Variants in ROBO2 observed in about 807,000 individuals in gnomAD.
ROBO2 encodes the protein roundabout homolog 2.
ROBO2 carries 53 observed loss-of-function variants against 160.8 expected under a neutral mutation model. The observed-to-expected ratio is 0.33, with a 90% confidence interval of 0.26 to 0.41. The LOEUF is 0.41. Ranked by LOEUF, ROBO2 falls within the 10% of genes least tolerant of loss-of-function variation. The probability of loss-of-function intolerance (pLI) is 1.00; values close to 1 mark genes in which losing one functional copy is unlikely to be tolerated. For synonymous variants in ROBO2, 664 were observed against 611.7 expected (o/e 1.09, Z -1.26); for missense variants, 1,577 against 1,722.4 (o/e 0.92, Z 1.49).
intron 2 of ROBO2, among the ~76,000 whole-genome samples, chr3:77,331,076 G>A (rs1234667992): frequency 1.3e-5 from 2 of 152,166 alleles, no homozygotes; most frequent in Admixed American, 6.5e-5. Flanking sequence ...AAAGAGCCCT[G>A]AGGCATTAAT....
chr3:76,589,892 T>G (rs1444620771), intron 2 of ROBO2, among the ~76,000 whole-genome samples: 1 of 152,146 alleles, frequency 6.6e-6, no homozygotes, highest in Non-Finnish European at 1.5e-5. Context: ...AAAATGTTGT[T>G]ACGATATATT....
intron 2 of ROBO2, among the ~76,000 whole-genome samples, chr3:76,596,054 G>C: frequency 6.6e-6 from 1 of 152,020 alleles, no homozygotes; most frequent in South Asian, 2.1e-4. Flanking sequence ...TTTATTTCTT[G>C]AAAGGTTTGG....
At chr3:77,091,448 A>G (rs2070240680) in intron 1 of ROBO2, among the ~76,000 whole-genome samples, 1 of 152,198 alleles carries the variant, frequency 6.6e-6, no homozygotes, top group African/African-American at 2.4e-5. Context: ...ATCAAAAATC[A>G]TTACAAAATC....
intron 2 of ROBO2, among the ~76,000 whole-genome samples, chr3:77,350,298 G>A (rs2068182110): frequency 6.6e-6 from 1 of 151,978 alleles, no homozygotes; most frequent in Admixed American, 6.6e-5. Context: ...TGAGGCTGCA[G>A]TGAGCCGTGA....
At chr3:76,545,184 T>G (rs1361744163) in intron 2 of ROBO2, among the ~76,000 whole-genome samples, 3 of 152,030 alleles carry the variant, frequency 2.0e-5, no homozygotes. Context: ...TCGATTTTTC[T>G]CTAGGGTACT....
At chr3:76,491,703 AG>A (rs1363285495) in intron 2 of ROBO2, among the ~76,000 whole-genome samples, 19 of 152,328 alleles carry the variant, frequency 1.2e-4, no homozygotes, top group African/African-American at 4.6e-4. Context: ...TCCTTCTGGA[AG>A]GAGAATTTGA....
chr3:77,295,958 T>C lies in ROBO2; in HGVS notation c.389-181456T>C, dbSNP rs528128176. Among the ~76,000 whole-genome samples the C allele has an allele frequency of 4.9e-4, 55 of 113,224 alleles. 3 individuals are homozygous for C. The highest frequency in any genetic ancestry group is 1.6e-3 in the African/African-American group (53 of 33,036). 74.3% of individuals were successfully genotyped at this position (113,224 alleles called of 152,430 possible). A position where few individuals can be genotyped will look rare whatever the true frequency, so the allele number is the denominator to read the frequency against. ...AAAATTGATGGTTAAACGGGTAAGCTGAGGCTAGATCACTCCAGGCATAAA... is the reference window on the plus strand; with the variant it reads ...AAAATTGATGGTTAAACGGGTAAGCCGAGGCTAGATCACTCCAGGCATAAA... On this transcript the variant is annotated intron_variant, in intron 2 of 25. Coordinates refer to ENST00000461745, the Ensembl canonical transcript of ROBO2.
intron 2 of ROBO2, among the ~76,000 whole-genome samples, chr3:77,196,973 TAAA>T (rs1277111747): frequency 6.9e-6 from 1 of 145,826 alleles, no homozygotes; most frequent in Non-Finnish European, 1.5e-5. Flanking sequence ...TTGCTTTTGA[TAAA>T]GAAGAAGGTA....
intron 2 of ROBO2, among the ~76,000 whole-genome samples, chr3:76,128,529 A>T (rs1408648478): frequency 2.0e-5 from 3 of 152,082 alleles, no homozygotes; most frequent in Non-Finnish European, 4.4e-5. Context: ...AAAAGATAAG[A>T]TATTTAATAA....
intron 2 of ROBO2, among the ~76,000 whole-genome samples, chr3:76,062,085 C>T (rs573419544): frequency 6.6e-6 from 1 of 152,078 alleles, no homozygotes; most frequent in Non-Finnish European, 1.5e-5. Context: ...GGCTAGCAAC[C>T]TTAACTTTCC....
At chr3:76,483,307 A>AT (rs2079306778) in intron 2 of ROBO2, among the ~76,000 whole-genome samples, 1 of 104,560 alleles carries the variant, frequency 9.6e-6, no homozygotes, top group African/African-American at 3.4e-5. Context: ...GTTAACTGTC[A>AT]TTATTTTTTT....
intron 2 of ROBO2, among the ~76,000 whole-genome samples, chr3:76,147,407 G>T (rs1306015322): frequency 2.6e-5 from 4 of 151,330 alleles, no homozygotes; most frequent in Non-Finnish European, 5.9e-5. Context: ...ATAAGTAAAG[G>T]GTGTGTGTGC....
exon 1 of ROBO2, chr3:77,039,958 A>C (rs143608871): frequency 0.016 from 4,951 of 309,408 alleles, 248 homozygotes; most frequent in African/African-American, 0.1. Context: ...CTGGGCTCTC[A>C]CGCCCGTCTC....
chr3:76,395,684 C>T (rs940283213), intron 2 of ROBO2, among the ~76,000 whole-genome samples: 3 of 152,122 alleles, frequency 2.0e-5, no homozygotes, highest in African/African-American at 7.2e-5. Context: ...TCAGAGAATA[C>T]TATAAACACC....
At chr3:76,499,698 G>A (rs989817990) in intron 2 of ROBO2, among the ~76,000 whole-genome samples, 1 of 152,194 alleles carries the variant, frequency 6.6e-6, no homozygotes, top group African/African-American at 2.4e-5. Context: ...GTTAGCAAAT[G>A]TGAAGACACA....
At chr3:76,766,171 A>C (rs542617813) in intron 2 of ROBO2, among the ~76,000 whole-genome samples, 1 of 151,782 alleles carries the variant, frequency 6.6e-6, no homozygotes, top group Non-Finnish European at 1.5e-5. Flanking sequence ...ACTTGAACCC[A>C]AGACTTACTA....
At chr3:76,070,662 T>A (rs1429364264) in intron 2 of ROBO2, among the ~76,000 whole-genome samples, 1 of 152,110 alleles carries the variant, frequency 6.6e-6, no homozygotes, top group African/African-American at 2.4e-5. Context: ...TTTGAAAATC[T>A]CTAATAAAAA....
intron 2 of ROBO2, among the ~76,000 whole-genome samples, chr3:76,989,609 T>C (rs1157989754): frequency 6.6e-6 from 1 of 152,110 alleles, no homozygotes; most frequent in East Asian, 1.9e-4. Context: ...ATTATTATGC[T>C]AGAGCAACAA....
chr3:77,083,822 G>C (rs2068953105), intron 1 of ROBO2, among the ~76,000 whole-genome samples: 1 of 151,990 alleles, frequency 6.6e-6, no homozygotes, highest in Admixed American at 6.6e-5. Context: ...GAGAGGTGAG[G>C]GTTTCATTCT....
Sources: gnomAD v4.1 joint callset for allele counts (sites outside exome capture counted in the v4.1 genomes callset) on GRCh38, gnomAD v4.1.1 for gene constraint, MANE v1.5 for transcripts, NCBI Gene and HGNC (gene_info 2026-07-23, HGNC 2026-07-21) for gene names.